Variants in DLEC1 observed in about 807,000 individuals in gnomAD.
DLEC1 encodes the protein DLEC1 cilia and flagella associated protein, also known as deleted in lung and esophageal cancer protein 1.
In DLEC1, 146 loss-of-function variants were observed where a neutral mutation model predicts 198.1. The ratio of observed to expected loss-of-function variants is 0.74; its 90% confidence interval spans 0.64 to 0.85. The LOEUF (loss-of-function observed/expected upper bound fraction) is 0.85, where lower values mean the gene tolerates loss of function less well. Among genes scored for constraint, DLEC1 ranks in the 40% least tolerant of loss-of-function variants. DLEC1 has a pLI of 0.00. For synonymous variants in DLEC1, 897 were observed against 866.8 expected, an observed-to-expected ratio of 1.03 and a Z score of -0.61; for missense variants, 2,233 against 2,220.0, an observed-to-expected ratio of 1.01 and a Z score of -0.12.
chr3:38,075,835 C>G (rs958070493), intron 6 of DLEC1, among the ~76,000 whole-genome samples: 1 of 151,154 alleles, frequency 6.6e-6, no homozygotes, highest in Non-Finnish European at 1.5e-5. Context: ...TCTTGCCTCT[C>G]CCCTAGAAAA....
chr3:38,049,951 C>G (rs932314187), intron 2 of DLEC1, among the ~76,000 whole-genome samples: 1 of 152,148 alleles, frequency 6.6e-6, no homozygotes, highest in East Asian at 1.9e-4. Flanking sequence ...CTTGTGCTTC[C>G]AGGATAGGTC....
chr3:38,105,703 T>C (rs920695785), intron 19 of DLEC1, among the ~76,000 whole-genome samples: 14 of 152,190 alleles, frequency 9.2e-5, no homozygotes, highest in Non-Finnish European at 1.5e-4. Flanking sequence ...TGGATCATTT[T>C]TTTAAAATCC....
rs1386171832 is a variant in DLEC1 at position 38,081,517 on chromosome 3, G to T, written c.1174-2641G>T. Among the ~76,000 whole-genome samples, 66 of 99,118 alleles carry T rather than the reference G, an allele frequency of 6.7e-4. 10 individuals carry two copies. The highest frequency in any genetic ancestry group is 3.0e-3 in the African/African-American group (64 of 21,602). The allele number at this position is 99,118 out of a possible 152,430, so 65.0% of individuals were successfully genotyped here. A position where few individuals can be genotyped will look rare whatever the true frequency, so the allele number is the denominator to read the frequency against. ...GGGCTCCTCACTTCCCAGTAGGGGC[G>T]GCCGGGCAGAGGCGCCCCTCACCTC... On this transcript the variant is annotated intron_variant, in intron 6 of 36. Coordinates refer to ENST00000308059, the MANE Select transcript of DLEC1 (RefSeq NM_007335.4).
At chr3:38,092,110 A>G (rs1698773125) in intron 10 of DLEC1, among the ~76,000 whole-genome samples, 1 of 152,288 alleles carries the variant, frequency 6.6e-6, no homozygotes, top group South Asian at 2.1e-4. Context: ...CCGCACTCTT[A>G]TGTTCATTGT....
intron 19 of DLEC1, among the ~76,000 whole-genome samples, chr3:38,107,030 A>G (rs569955042): frequency 1.1e-4 from 17 of 152,318 alleles, no homozygotes; most frequent in African/African-American, 4.1e-4. Flanking sequence ...AGCTGGAGAT[A>G]TAGGCAAATA....
At chr3:38,122,226 C>G (rs1437205453) in intron 36 of DLEC1, 32 bp downstream of exon 36, 1 of 1,610,154 alleles carries the variant, frequency 6.2e-7, no homozygotes, top group East Asian at 2.2e-5. Context: ...CCCAAACTGC[C>G]CACAGAGCCT....
intron 3 of DLEC1, among the ~76,000 whole-genome samples, chr3:38,060,839 C>T (rs565741523): frequency 6.6e-6 from 1 of 152,194 alleles, no homozygotes; most frequent in Non-Finnish European, 1.5e-5. Context: ...GGATTACAGG[C>T]GTGTGCCACC....
At position 38,097,837 on chromosome 3, in the gene DLEC1, A is replaced by G. The variant is rs1178797938; in HGVS notation, c.2659A>G (p.Ser887Gly). Residue 887 changes from serine (S) to glycine (G), a missense_variant, in exon 18 of 37, where the codon AGC becomes GGC. Transcript: ENST00000308059. ...AAACTCCATCCAGATCCGGAACGTCAGCCAGCTCCCAGCCACATGGCGCAT... is the reference window on the plus strand; with the variant it reads ...AAACTCCATCCAGATCCGGAACGTCGGCCAGCTCCCAGCCACATGGCGCAT... ...ATNSIQIRNV[S>G]QLPATWRMKE... 1 of 1,614,198 alleles carries G rather than the reference A, an allele frequency of 6.2e-7. No individual in the cohort carries two copies. The highest frequency in any genetic ancestry group is 8.5e-7 in the Non-Finnish European group (1 of 1,180,038).
intron 6 of DLEC1, among the ~76,000 whole-genome samples, chr3:38,082,752 A>G (rs1698119589): frequency 3.3e-5 from 5 of 150,978 alleles, no homozygotes; most frequent in Middle Eastern, 3.4e-3. Flanking sequence ...GGGTAGAGAC[A>G]TGGAGAGAAG....
chr3:38,062,815 T>C lies in DLEC1; in HGVS notation c.1094+14T>C. On this transcript the variant is annotated intron_variant, in intron 5 of 36. Transcript: ENST00000308059. ...GCCAGAACAGAGGTATGTCTTTCTC[T>C]GGCTTGAACTCTCAGAAAACCTGGC... The C allele has an allele frequency of 1.2e-6, 2 of 1,611,414 alleles. No homozygotes were observed. Among genetic ancestry groups the C allele is most frequent in the East Asian group, 4.5e-5 (2 of 44,876 alleles).
At chr3:38,076,048 G>A (rs369532322) in intron 6 of DLEC1, among the ~76,000 whole-genome samples, 45 of 152,268 alleles carry the variant, frequency 3.0e-4, no homozygotes, top group African/African-American at 9.6e-4. Flanking sequence ...GTCTGTGACC[G>A]GCACCGGAGT....
chr3:38,041,072 G>A (rs913571043), intron 1 of DLEC1, among the ~76,000 whole-genome samples: 2 of 151,954 alleles, frequency 1.3e-5, no homozygotes, highest in African/African-American at 2.4e-5. Context: ...AGTGCATGGC[G>A]CAATCTCAGC....
At chr3:38,096,324 G>A (rs776132329) in intron 14 of DLEC1, among the ~76,000 whole-genome samples, 15 of 152,168 alleles carry the variant, frequency 9.9e-5, no homozygotes, top group Non-Finnish European at 1.8e-4. Flanking sequence ...CTGGAGGGCT[G>A]CAGATGGTCC....
Position 38,039,425 on chromosome 3 carries a change from C to T in DLEC1, c.200C>T (p.Thr67Met), listed in dbSNP as rs1018154046. The T allele has an allele frequency of 7.4e-6, 12 of 1,613,770 alleles. No homozygotes were observed. The highest frequency in any genetic ancestry group is 1.7e-4 in the Middle Eastern group (1 of 6,060). ...TTCGCAGCCCGGCCCCGCCGCCTCACGCAGCTTGCGCTGGCGCAGCGTCCC... is the reference window on the plus strand; with the variant it reads ...TTCGCAGCCCGGCCCCGCCGCCTCATGCAGCTTGCGCTGGCGCAGCGTCCC... ...YSFAARPRRL[T>M]QLALAQRPEP... The change falls in exon 1 of 37, where the codon ACG becomes ATG. Residue 67 changes from threonine (T) to methionine (M), a missense_variant. Coordinates refer to ENST00000308059, the MANE Select transcript of DLEC1 (RefSeq NM_007335.4).
chr3:38,122,482 T>A lies in DLEC1; in HGVS notation c.*70T>A. On this transcript the variant is annotated 3_prime_UTR_variant, in exon 37 of 37. Coordinates refer to ENST00000308059, the MANE Select transcript of DLEC1 (RefSeq NM_007335.4). The stretch of plus-strand genomic sequence containing the variant: ...ACATTGCCCAGGGATTAGGAGCAGC[T>A]CTTCAGCACAAAGACACAGACTTGG... The A allele has an allele frequency of 1.9e-6, 3 of 1,613,392 alleles. No individual in the cohort carries two copies. In the South Asian group the frequency reaches 3.3e-5, roughly 18 times the overall value.
intron 5 of DLEC1, 46 bp from the exon 6 acceptor site, chr3:38,063,795 T>C (rs1696827308): frequency 7.3e-7 from 1 of 1,373,670 alleles, no homozygotes; most frequent in Non-Finnish European, 1.0e-6. Flanking sequence ...TTTCATTGTA[T>C]GGATGAAACT....
chr3:38,062,554 G>T lies in DLEC1; in HGVS notation c.874-27G>T. ...AAGCACAATCCCTTTGCCTGTCATT[G>T]ACTCTATGCTTTTGTATGTTTCAAA... On this transcript the variant is annotated intron_variant, in intron 4 of 36. Coordinates refer to ENST00000308059, the MANE Select transcript of DLEC1 (RefSeq NM_007335.4). 2.5e-6 allele frequency: 4 copies of T among 1,612,700 alleles called. No individual in the cohort carries two copies. The South Asian group carries it at 4.4e-5, about 18-fold the overall frequency.
chr3:38,050,560 G>A (rs1701066235), intron 2 of DLEC1, among the ~76,000 whole-genome samples: 1 of 151,886 alleles, frequency 6.6e-6, no homozygotes, highest in Non-Finnish European at 1.5e-5. Flanking sequence ...TTTTGGGGGG[G>A]CCAGGTGAGC....
In DLEC1 at chr3:38,109,578, G is replaced by T. The variant is rs752214445; in HGVS notation, c.3260+16G>T. The stretch of plus-strand genomic sequence containing the variant: ...CTGATTGCAGGTGAGCCCAGGGTTG[G>T]TGGTCTGGGGGTGGCAGTGGACTGA... On this transcript the variant is annotated intron_variant, in intron 22 of 36. Transcript: ENST00000308059. 2.5e-6 allele frequency: 4 copies of T among 1,613,868 alleles called. No individual in the cohort carries two copies. The Admixed American group carries it at 6.7e-5, about 27-fold the overall frequency.
Sources: allele counts gnomAD v4.1 joint callset (sites outside exome capture counted in the v4.1 genomes callset), GRCh38; gene constraint gnomAD v4.1.1; transcripts MANE v1.5; gene names NCBI Gene and HGNC (gene_info 2026-07-23, HGNC 2026-07-21).